The following TENM2 variants were observed in gnomAD, a reference collection of about 807,000 sequenced individuals.
The protein encoded by TENM2 is teneurin-2.
TENM2 carries 52 observed loss-of-function variants against 245.2 expected under a neutral mutation model. The observed-to-expected ratio is 0.21, with a 90% CI of 0.17 to 0.27. The LOEUF (loss-of-function observed/expected upper bound fraction) is 0.27. Among genes scored for constraint, TENM2 ranks in the 10% least tolerant of loss-of-function variants. The pLI, the probability that TENM2 is intolerant of heterozygous loss-of-function variation, is 1.00. For synonymous variants in TENM2, 1,363 were observed against 1,438.9 expected, an observed-to-expected ratio of 0.95 and a Z score of 1.19; for missense variants, 3,046 against 3,666.8, an observed-to-expected ratio of 0.83 and a Z score of 4.37.
chr5:167,576,331 ATT>A (rs35031872), intron 2 of TENM2, among the ~76,000 whole-genome samples: 22 of 146,566 alleles, frequency 1.5e-4, no homozygotes, highest in African/African-American at 4.0e-4. Flanking sequence ...AGAAAAGAGC[ATT>A]TTTTTTTTTT....
chr5:168,027,820 G>A (rs1422461137), intron 5 of TENM2, among the ~76,000 whole-genome samples: 1 of 152,154 alleles, frequency 6.6e-6, no homozygotes, highest in Non-Finnish European at 1.5e-5. Context: ...GTTTTCCCCT[G>A]TGTGGAATGT....
intron 2 of TENM2, among the ~76,000 whole-genome samples, chr5:167,391,798 A>T (rs907263087): frequency 4.6e-5 from 7 of 152,102 alleles, no homozygotes; most frequent in African/African-American, 1.7e-4. Context: ...ATAATTGTGT[A>T]ATTATTAAGA....
the TENM2 span, among the ~76,000 whole-genome samples, chr5:167,179,820 G>A: frequency 2.0e-4 from 31 of 152,122 alleles, no homozygotes; most frequent in Non-Finnish European, 3.7e-4. Context: ...GTCACCCTGT[G>A]GTTTGGGCAC....
chr5:167,427,897 AAAGGAAGGG>A (rs1174086237), intron 2 of TENM2, among the ~76,000 whole-genome samples: 5 of 79,928 alleles, frequency 6.3e-5, no homozygotes, highest in East Asian at 3.0e-4. Context: ...GGAAGGACGG[AAAGGAAGGG>A]AAGGAAGGGA....
intron 2 of TENM2, among the ~76,000 whole-genome samples, chr5:167,581,549 A>T (rs2127683041): frequency 6.6e-6 from 1 of 152,332 alleles, no homozygotes; most frequent in East Asian, 1.9e-4. Context: ...TATGTAGAGG[A>T]TTCCTCTTAG....
At chr5:167,061,106 A>G in the TENM2 span, among the ~76,000 whole-genome samples, 1 of 151,820 alleles carries the variant, frequency 6.6e-6, no homozygotes, top group Non-Finnish European at 1.5e-5. Context: ...ACACACACAC[A>G]CACACACACA....
intron 5 of TENM2, among the ~76,000 whole-genome samples, chr5:168,038,873 G>T (rs891770964): frequency 6.6e-6 from 1 of 152,108 alleles, no homozygotes; most frequent in Admixed American, 6.5e-5. Context: ...GCCCCTCCTG[G>T]CATGTTCCCC....
At chr5:168,125,121 A>G (rs1039770573) in intron 11 of TENM2, 71 bp downstream of exon 13, 1 of 1,333,444 alleles carries the variant, frequency 7.5e-7, no homozygotes, top group African/African-American at 1.5e-5. Flanking sequence ...TCTCAGATGG[A>G]TGGGAATCTA....
intron 7 of TENM2, among the ~76,000 whole-genome samples, chr5:168,081,927 A>G (rs991262835): frequency 2.0e-5 from 3 of 152,022 alleles, no homozygotes; most frequent in East Asian, 1.9e-4. Flanking sequence ...GCTCTTCTGG[A>G]GGAGTATCTT....
chr5:167,254,071 T>C, the TENM2 span, among the ~76,000 whole-genome samples: 1 of 151,654 alleles, frequency 6.6e-6, no homozygotes, highest in Non-Finnish European at 1.5e-5. Flanking sequence ...GGCTGACGTA[T>C]AGGAAAAAGA....
intron 2 of TENM2, among the ~76,000 whole-genome samples, chr5:167,822,578 A>G (rs1414179969): frequency 6.6e-6 from 1 of 152,222 alleles, no homozygotes; most frequent in African/African-American, 2.4e-5. Flanking sequence ...TCATGACAGA[A>G]TGTCAGAACT....
chr5:167,482,215 T>G (rs1767798806), intron 2 of TENM2, among the ~76,000 whole-genome samples: 1 of 152,208 alleles, frequency 6.6e-6, no homozygotes, highest in Non-Finnish European at 1.5e-5. Flanking sequence ...TTAGTGTATT[T>G]TCTCTAGACT....
the TENM2 span, among the ~76,000 whole-genome samples, chr5:167,123,003 A>G: frequency 1.3e-5 from 2 of 152,060 alleles, no homozygotes; most frequent in African/African-American, 4.8e-5. Context: ...CATAGACAAT[A>G]TTTCTCTTTT....
At chr5:167,724,225 C>T (rs1263309311) in intron 2 of TENM2, among the ~76,000 whole-genome samples, 1 of 152,102 alleles carries the variant, frequency 6.6e-6, no homozygotes, top group Non-Finnish European at 1.5e-5. Flanking sequence ...TGTGACTTGC[C>T]TTCCTCTCCA....
chr5:167,413,690 C>T (rs907012782), intron 2 of TENM2, among the ~76,000 whole-genome samples: 19 of 152,106 alleles, frequency 1.2e-4, no homozygotes, highest in African/African-American at 4.6e-4. Context: ...GTAAGATTTA[C>T]AGCCAGGCTG....
rs78566466 is a variant in TENM2 at position 167,615,290 on chromosome 5, G to A, written c.502+239817G>A. Among the ~76,000 whole-genome samples, 702 of 152,200 alleles carry A rather than the reference G, an allele frequency of 4.6e-3. 3 individuals are homozygous for A. Among genetic ancestry groups the A allele is most frequent in the Non-Finnish European group, 6.8e-3 (464 of 67,998 alleles). On this transcript the variant is annotated intron_variant, in intron 2 of 28. Coordinates refer to ENST00000518659, the Ensembl canonical transcript of TENM2. ...ATTCTTCCTTAAGAAGTGGTGGGCA[G>A]TAAATATTACCCTTATTAAGTCTTG...
intron 1 of TENM2, among the ~76,000 whole-genome samples, chr5:167,366,088 T>C (rs1280833255): frequency 1.7e-5 from 1 of 59,726 alleles, no homozygotes; most frequent in East Asian, 5.5e-4. Flanking sequence ...AAAACAGAAT[T>C]TTTTTTCTTT....
intron 2 of TENM2, among the ~76,000 whole-genome samples, chr5:167,410,356 G>GA (rs1479350582): frequency 6.6e-6 from 1 of 151,932 alleles, no homozygotes; most frequent in East Asian, 1.9e-4. Context: ...AATCATCTTG[G>GA]AAAAGAGCTA....
the TENM2 span, among the ~76,000 whole-genome samples, chr5:167,067,636 A>G: frequency 8.5e-5 from 13 of 152,210 alleles, 1 homozygote; most frequent in African/African-American, 2.9e-4. Flanking sequence ...ATTTATTCTA[A>G]GCATATCTTG....
Sources: gnomAD v4.1 joint callset for allele counts (sites outside exome capture counted in the v4.1 genomes callset) on GRCh38, gnomAD v4.1.1 for gene constraint, MANE v1.5 for transcripts, NCBI Gene and HGNC (gene_info 2026-07-23, HGNC 2026-07-21) for gene names.